The following KDM2B variants were observed in gnomAD, a reference collection of about 807,000 sequenced individuals.
The protein encoded by KDM2B is lysine-specific demethylase 2B.
A neutral mutation model predicts 150.0 loss-of-function variants in KDM2B; 26 were observed. The observed-to-expected ratio is 0.17, with a 90% CI of 0.13 to 0.24. KDM2B has a LOEUF of 0.24. Among genes scored for constraint, KDM2B ranks in the 10% least tolerant of loss-of-function variants. KDM2B has a pLI of 1.00. For synonymous variants in KDM2B, 734 were observed against 729.5 expected, an observed-to-expected ratio of 1.01 and a Z score of -0.10; for missense variants, 1,265 against 1,816.9, an observed-to-expected ratio of 0.70 and a Z score of 5.52.
chr12:121,580,473 C>G lies in KDM2B; in HGVS notation c.126+313G>C, dbSNP rs1050794423. On this transcript the variant is annotated intron_variant, in intron 1 of 22. Coordinates refer to ENST00000377071, the MANE Select transcript of KDM2B (RefSeq NM_032590.5). ...TTTTGTTGTTGGGTCACGAGTGCGC[C>G]TCTGCACGCAGGCGCCGCCGCCGCC... 141 of 1,190,770 alleles carry G rather than the reference C, an allele frequency of 1.2e-4. No individual in the cohort carries two copies. In the African/African-American group the frequency reaches 2.2e-3, roughly 18 times the overall value. The allele number at this position is 1,190,770 out of a possible 1,614,324, so 73.8% of individuals were successfully genotyped here.
chr12:121,440,773 C>T (rs782786167), intron 21 of KDM2B, 43 bp downstream of exon 21: 11 of 1,556,514 alleles, frequency 7.1e-6, no homozygotes, highest in Admixed American at 5.6e-5. Flanking sequence ...CAGTCTAGCT[C>T]GCTCACCCCA....
intron 13 of KDM2B, among the ~76,000 whole-genome samples, chr12:121,446,186 G>A (rs1555290258): frequency 2.6e-5 from 4 of 152,166 alleles, no homozygotes. Context: ...ACAAGGTCAG[G>A]AGATCGAGAC....
intron 8 of KDM2B, among the ~76,000 whole-genome samples, chr12:121,527,201 C>A (rs1218860934): frequency 6.7e-6 from 1 of 149,682 alleles, no homozygotes; most frequent in Admixed American, 6.6e-5. Context: ...AGGCACCCGC[C>A]GCCACGCCCA....
At chr12:121,511,349 C>T (rs1049863241) in intron 10 of KDM2B, among the ~76,000 whole-genome samples, 5 of 138,282 alleles carry the variant, frequency 3.6e-5, no homozygotes, top group African/African-American at 5.6e-5. Context: ...TGCAATGGCG[C>T]GATCTCGGCA....
intron 6 of KDM2B, among the ~76,000 whole-genome samples, chr12:121,542,228 C>T (rs973997385): frequency 3.3e-5 from 5 of 152,216 alleles, no homozygotes; most frequent in South Asian, 4.1e-4. Flanking sequence ...GAACTGAGGC[C>T]TCCTGCCAAC....
In KDM2B at chr12:121,537,805, C is replaced by T. The variant is rs1229493603; in HGVS notation, c.684-3215G>A. On this transcript the variant is annotated intron_variant, in intron 6 of 22. Transcript: ENST00000377071. This position sits in a 1 kb window ranked among gnomAD's most constrained non-coding sequence, Gnocchi z 8.7. The stretch of plus-strand genomic sequence containing the variant: ...ACCCGACCCCGGGAGACACAAAGAG[C>T]GGCTCCGCGACGCCGGCCCTGTAGC... Among the ~76,000 whole-genome samples the T allele has an allele frequency of 2.6e-5, 4 of 151,860 alleles. No individual in the cohort carries two copies. The highest frequency in any genetic ancestry group is 4.4e-5 in the Non-Finnish European group (3 of 67,908).
chr12:121,479,114 T>C (rs1446635931), intron 12 of KDM2B, among the ~76,000 whole-genome samples: 5 of 152,050 alleles, frequency 3.3e-5, no homozygotes, highest in Admixed American at 1.3e-4. Context: ...GGAGGCGCTA[T>C]AAATAAATTG....
intron 11 of KDM2B, among the ~76,000 whole-genome samples, chr12:121,505,892 C>A (rs560583675): frequency 6.6e-6 from 1 of 152,186 alleles, no homozygotes; most frequent in Non-Finnish European, 1.5e-5. Flanking sequence ...GAATCCTCAA[C>A]AACAGAAAAG....
At chr12:121,531,105 C>T (rs1887630025) in intron 8 of KDM2B, among the ~76,000 whole-genome samples, 1 of 152,076 alleles carries the variant, frequency 6.6e-6, no homozygotes, top group Non-Finnish European at 1.5e-5. Flanking sequence ...ATGCCACCTC[C>T]TTCCCGAGTC....
chr12:121,420,521 A>G, the KDM2B span: 1 of 1,592,012 alleles, frequency 6.3e-7, no homozygotes, highest in Non-Finnish European at 8.6e-7. Flanking sequence ...ATGAGTTTAG[A>G]GTGGGGAGGG....
At chr12:121,496,349 G>C (rs1883933614) in intron 11 of KDM2B, among the ~76,000 whole-genome samples, 1 of 152,194 alleles carries the variant, frequency 6.6e-6, no homozygotes, top group Admixed American at 6.6e-5. Flanking sequence ...TTTAAGAACA[G>C]AGTAAATCAT....
chr12:121,557,896 A>G (rs1890020552), intron 4 of KDM2B, among the ~76,000 whole-genome samples: 1 of 152,172 alleles, frequency 6.6e-6, no homozygotes, highest in Non-Finnish European at 1.5e-5. Context: ...ACATATTTAC[A>G]CAGGGGAGGG....
Position 121,442,295 on chromosome 12 carries a change from C to G in KDM2B, c.3146G>C (p.Ser1049Thr), listed in dbSNP as rs1278355191. The change falls in exon 19 of 23, where the codon AGC (serine) becomes ACC (threonine). Residue 1049 changes from serine (S) to threonine (T), a missense_variant. Physicochemically the swap from Ser to Thr is moderately conservative, Grantham distance 58. This residue lies in a region of KDM2B where 251 missense variants were observed against 397.8 expected (regional missense o/e 0.63). Transcript: ENST00000377071. This position sits in a 1 kb window ranked among gnomAD's most constrained non-coding sequence, Gnocchi z 7.7. ...ERHVIRPPPI[S>T]PPPDSLPLDD... ...CAGGGGTAGCGAGTCAGGCGGGGGG[C>G]TGATGGGGGGTGGCCGGATCACATG... 3 of 1,610,106 alleles carry G rather than the reference C, an allele frequency of 1.9e-6. No individual in the cohort carries two copies. The highest frequency in any genetic ancestry group is 2.5e-6 in the Non-Finnish European group (3 of 1,178,238).
intron 8 of KDM2B, 90 bp downstream of exon 8, chr12:121,532,715 AC>A: frequency 7.2e-7 from 1 of 1,391,960 alleles, no homozygotes; most frequent in South Asian, 1.3e-5. Context: ...TGTCAAACCC[AC>A]CAGGCCCAGA....
At chr12:121,481,883 A>G (rs1555297967) in intron 12 of KDM2B, among the ~76,000 whole-genome samples, 2 of 151,874 alleles carry the variant, frequency 1.3e-5, no homozygotes, top group Non-Finnish European at 2.9e-5. Context: ...GGTTCAAGCG[A>G]TTTTCCTGCC....
intron 22 of KDM2B, among the ~76,000 whole-genome samples, chr12:121,435,425 A>T (rs1405337046): frequency 1.3e-5 from 2 of 152,090 alleles, no homozygotes; most frequent in Non-Finnish European, 2.9e-5. Context: ...TCTATAGAAC[A>T]CCTCCAAGGT....
Position 121,549,114 on chromosome 12 carries a change from GAGGA to G in KDM2B, c.577-135_577-132del, listed in dbSNP as rs2141999705. ...TGTGGGCTCAATAGTCCCAACATGG[GAGGA>G]AGGAAGGGCAGGGATGACAGGACCC... On this transcript the variant is annotated intron_variant, in intron 5 of 22. Coordinates refer to ENST00000377071, the MANE Select transcript of KDM2B (RefSeq NM_032590.5). This position sits in a 1 kb window ranked among gnomAD's most constrained non-coding sequence, Gnocchi z 4.4. 1 of 694,748 alleles carries G rather than the reference GAGGA, an allele frequency of 1.4e-6. No homozygotes were observed. Among genetic ancestry groups the G allele is most frequent in the East Asian group, 2.7e-5 (1 of 36,932 alleles). 43.0% of individuals were successfully genotyped at this position (694,748 alleles called of 1,614,324 possible).
At chr12:121,423,328 G>GTGGC in the KDM2B span, 9 of 1,418,966 alleles carry the variant, frequency 6.3e-6, no homozygotes, top group African/African-American at 1.3e-4. This position sits in a 1 kb window ranked among gnomAD's most constrained non-coding sequence, Gnocchi z 4.3. Context: ...GACTGGGAGG[G>GTGGC]TGGCTGGCTG....
At chr12:121,473,258 G>A (rs1555296174) in intron 12 of KDM2B, among the ~76,000 whole-genome samples, 1 of 152,000 alleles carries the variant, frequency 6.6e-6, no homozygotes, top group Non-Finnish European at 1.5e-5. Context: ...CGGGTGTGAT[G>A]GTGGGCATCT....
Sources: allele counts gnomAD v4.1 joint callset (sites outside exome capture counted in the v4.1 genomes callset), GRCh38; gene constraint gnomAD v4.1.1; regional missense constraint gnomAD v4.1.1; non-coding constraint Gnocchi (gnomAD v3.1); transcripts MANE v1.5; gene names NCBI Gene and HGNC (gene_info 2026-07-23, HGNC 2026-07-21).